Variants in CORO7 observed in about 807,000 individuals in gnomAD.
CORO7 encodes coronin-7.
In CORO7, 107 loss-of-function variants were observed where a neutral mutation model predicts 126.6. The observed-to-expected ratio is 0.85, with a 90% confidence interval of 0.72 to 0.99. The LOEUF (loss-of-function observed/expected upper bound fraction) is 0.99, where lower values mean the gene tolerates loss of function less well. Among genes scored for constraint, CORO7 ranks in the 50% least tolerant of loss-of-function variants. The pLI is 0.00. For synonymous variants in CORO7, 603 were observed against 536.8 expected (o/e 1.12, Z -1.70); for missense variants, 1,314 against 1,255.8 (o/e 1.05, Z -0.70).
Position 4,362,512 on chromosome 16 carries a change from T to C in CORO7, c.1402+100A>G. 1 of 1,450,256 alleles carries C rather than the reference T, an allele frequency of 6.9e-7. No individual in the cohort carries two copies. Among genetic ancestry groups the C allele is most frequent in the Non-Finnish European group, 9.1e-7 (1 of 1,102,208 alleles). The allele number at this position is 1,450,256 out of a possible 1,614,324, so 89.8% of individuals were successfully genotyped here. A position where few individuals can be genotyped will look rare whatever the true frequency, so the allele number is the denominator to read the frequency against. On this transcript the variant is annotated intron_variant, in intron 15 of 27. Transcript: ENST00000251166. The surrounding 1 kb of genome is among the most constrained non-coding windows in gnomAD (Gnocchi z 5.3). ...GTCTGGGTGAGGGGGGTGCCCTGCATGAGGCCTGTGCTCAGCAGTAGGGTA... is the reference window on the plus strand; with the variant it reads ...GTCTGGGTGAGGGGGGTGCCCTGCACGAGGCCTGTGCTCAGCAGTAGGGTA...
intron 25 of CORO7, 188 bp downstream of exon 25, chr16:4,357,780 C>A: frequency 9.8e-7 from 1 of 1,017,970 alleles, no homozygotes; most frequent in South Asian, 1.8e-5. Context: ...GGGTGGGGAC[C>A]TGTGATGAAA....
chr16:4,380,423 G>A (rs897148225), intron 9 of CORO7, among the ~76,000 whole-genome samples: 2 of 152,230 alleles, frequency 1.3e-5, no homozygotes, highest in Non-Finnish European at 2.9e-5. Context: ...GCAGGAGCCG[G>A]CGGCCAAGGC....
At chr16:4,394,421 C>G (rs1032403391) in intron 7 of CORO7, among the ~76,000 whole-genome samples, 1 of 151,494 alleles carries the variant, frequency 6.6e-6, no homozygotes, top group African/African-American at 2.4e-5. Context: ...TACACTCCAG[C>G]CTGGGCGACA....
chr16:4,380,739 G>C lies in CORO7; in HGVS notation c.785+7247C>G, dbSNP rs2054926674. 5 of 1,075,846 alleles carry C rather than the reference G, an allele frequency of 4.6e-6. No individual in the cohort carries two copies. The East Asian group carries it at 1.3e-4, about 28-fold the overall frequency. The allele number at this position is 1,075,846 out of a possible 1,614,324, so 66.6% of individuals were successfully genotyped here. ...ACCTGGGTCGGGGCACTGGCGACCT[G>C]ACTCATAACCATTGGGTTCTCTTGC... On this transcript the variant is annotated intron_variant, in intron 9 of 27. Coordinates refer to ENST00000251166, the MANE Select transcript of CORO7 (RefSeq NM_024535.5).
At chr16:4,368,566 G>A (rs2054419704) in intron 9 of CORO7, among the ~76,000 whole-genome samples, 1 of 151,774 alleles carries the variant, frequency 6.6e-6, no homozygotes, top group Non-Finnish European at 1.5e-5. Flanking sequence ...TGGCCAACAT[G>A]GTGAAAACTC....
intron 1 of CORO7, chr16:4,414,271 G>C (rs1160992959): frequency 6.6e-6 from 1 of 151,874 alleles, no homozygotes; most frequent in Non-Finnish European, 1.5e-5. Flanking sequence ...AGCTCAGAGA[G>C]GGGAACCACC....
At chr16:4,360,902 G>A (rs775653452) in intron 19 of CORO7, 41 bp downstream of exon 19, 164 of 1,219,618 alleles carry the variant, frequency 1.3e-4, no homozygotes, top group East Asian at 5.1e-4. Flanking sequence ...TGCTGGCCCC[G>A]CCTCTCCACA....
At position 4,388,059 on chromosome 16, in the gene CORO7, G is replaced by A. The variant is rs143869992; in HGVS notation, c.712C>T (p.Arg238Cys). 2.1e-4 allele frequency: 331 copies of A among 1,612,434 alleles called. 2 individuals carry two copies. The highest frequency in any genetic ancestry group is 9.9e-4 in the Middle Eastern group (6 of 6,058). ...VSTGFNQMRE[R>C]EVKLWDTRFF... ...CGCGTGTCCCACAGCTTCACTTCGC[G>A]CTCACGCATCTGCAGGGAGGGCGAG... The change falls in exon 9 of 28, where the codon CGC (arginine) becomes TGC (cysteine). Residue 238 changes from arginine (R) to cysteine (C), a missense_variant. By Grantham distance (180) the Arg-to-Cys change is radical (BLOSUM62 -3). Transcript: ENST00000251166.
At chr16:4,381,398 T>C (rs1211396778) in intron 9 of CORO7, 14 of 1,587,742 alleles carry the variant, frequency 8.8e-6, no homozygotes, top group Non-Finnish European at 1.2e-5. Context: ...CTGCTGCTGC[T>C]GGACCTCAGC....
At chr16:4,399,300 G>A (rs2055715060) in intron 6 of CORO7, among the ~76,000 whole-genome samples, 1 of 152,194 alleles carries the variant, frequency 6.6e-6, no homozygotes, top group Non-Finnish European at 1.5e-5. Context: ...AGTCTTCAAA[G>A]GCAAGGAAAT....
In CORO7 at chr16:4,364,689, C is replaced by T; in HGVS notation, c.1045G>A (p.Ala349Thr). The T allele has an allele frequency of 6.3e-7, 1 of 1,583,760 alleles. No individual in the cohort carries two copies. Among genetic ancestry groups the T allele is most frequent in the East Asian group, 2.3e-5 (1 of 43,554 alleles). Residue 349 changes from alanine (A) to threonine (T), a missense_variant and splice_region_variant, in exon 13 of 28, where the codon GCT (alanine) becomes ACT (threonine). Physicochemically the swap from Ala to Thr is moderately conservative, Grantham distance 58 (BLOSUM62 0). Coordinates refer to ENST00000251166, the MANE Select transcript of CORO7 (RefSeq NM_024535.5). ...VPIGYHVPRKAVEFHEDLFPD... is the reference protein window; with the variant it reads ...VPIGYHVPRKTVEFHEDLFPD... ...AACAGGTCCTCGTGGAACTCCACAG[C>T]CTGGCCGCAGACAAGCAGGCAGCTA... is the stretch of plus-strand genomic sequence containing the variant.
intron 7 of CORO7, among the ~76,000 whole-genome samples, chr16:4,395,072 C>T (rs2055533855): frequency 6.6e-6 from 1 of 152,212 alleles, no homozygotes; most frequent in Non-Finnish European, 1.5e-5. Context: ...AGCTTAGCTT[C>T]TGCCACCCGG....
chr16:4,407,335 T>C (rs900350009), intron 5 of CORO7, among the ~76,000 whole-genome samples, 166 bp downstream of exon 5: 2 of 151,546 alleles, frequency 1.3e-5, no homozygotes, highest in Non-Finnish European at 2.9e-5. Flanking sequence ...CAAAGAGAGA[T>C]GGGGTGTTTA....
intron 6 of CORO7, among the ~76,000 whole-genome samples, chr16:4,403,131 C>T (rs1390237575): frequency 2.0e-5 from 3 of 152,262 alleles, no homozygotes; most frequent in Admixed American, 1.3e-4. Flanking sequence ...GAGCCAGGTG[C>T]GGCTGCAAAG....
chr16:4,377,015 C>T (rs1244633343), intron 9 of CORO7, among the ~76,000 whole-genome samples: 1 of 152,204 alleles, frequency 6.6e-6, no homozygotes, highest in Non-Finnish European at 1.5e-5. Flanking sequence ...CCAAGTCACC[C>T]CAGACACAGG....
At chr16:4,388,741 T>A in intron 7 of CORO7, 110 bp from the exon 8 acceptor site, 4 of 1,183,832 alleles carry the variant, frequency 3.4e-6, no homozygotes, top group Non-Finnish European at 4.8e-6. Context: ...CCTGAAAGCC[T>A]CACAGAGGGT....
At chr16:4,414,094 G>C (rs1189001274) in intron 1 of CORO7, among the ~76,000 whole-genome samples, 1 of 151,668 alleles carries the variant, frequency 6.6e-6, no homozygotes, top group Non-Finnish European at 1.5e-5. Flanking sequence ...AGGAGGCTGA[G>C]GGAGGAGAAT....
intron 25 of CORO7, 42 bp downstream of exon 25, chr16:4,357,926 C>G: frequency 6.4e-7 from 1 of 1,572,006 alleles, no homozygotes; most frequent in Non-Finnish European, 8.7e-7. Flanking sequence ...CTTTCTCCAA[C>G]CCCCATCCCG....
chr16:4,362,029 C>A lies in CORO7; in HGVS notation c.1534G>T (p.Ala512Ser), dbSNP rs2054198102. Residue 512 changes from alanine (A) to serine (S), a missense_variant, in exon 16 of 28, where the codon GCC (alanine) becomes TCC (serine). Transcript: ENST00000251166. This position sits in a 1 kb window ranked among gnomAD's most constrained non-coding sequence, Gnocchi z 5.3. ...CCCCCGCTGCTGAGCAGCGGCACGGCCACACGCAGCTTGTTGGCACAGAAG... is the reference window on the plus strand; with the variant it reads ...CCCCCGCTGCTGAGCAGCGGCACGGACACACGCAGCTTGTTGGCACAGAAG... ...DGFCANKLRV[A>S]VPLLSSGGQV... 3.7e-6 allele frequency: 6 copies of A among 1,612,702 alleles called. No individual in the cohort carries two copies. The highest frequency in any genetic ancestry group is 5.1e-6 in the Non-Finnish European group (6 of 1,179,846).
Sources: gnomAD v4.1 joint callset for allele counts (sites outside exome capture counted in the v4.1 genomes callset) on GRCh38, gnomAD v4.1.1 for gene constraint, Gnocchi (gnomAD v3.1) non-coding constraint, MANE v1.5 for transcripts, NCBI Gene and HGNC (gene_info 2026-07-23, HGNC 2026-07-21) for gene names.